Variants in NDRG3 observed in about 807,000 individuals in gnomAD.
The protein encoded by NDRG3 is protein NDRG3.
In NDRG3, 23 loss-of-function variants were observed where a neutral mutation model predicts 57.2. That is an observed-to-expected ratio of 0.40 (90% CI 0.29 to 0.57). The LOEUF (loss-of-function observed/expected upper bound fraction) is 0.57. Among genes scored for constraint, NDRG3 ranks in the 20% least tolerant of loss-of-function variants. The probability of loss-of-function intolerance (pLI) is 0.42; values close to 1 mark genes in which losing one functional copy is unlikely to be tolerated. For synonymous variants in NDRG3, 132 were observed against 162.6 expected (o/e 0.81, Z 1.43); for missense variants, 384 against 457.3 (o/e 0.84, Z 1.46).
At chr20:36,685,215 GCA>G (rs1981676409) in intron 5 of NDRG3, among the ~76,000 whole-genome samples, 1 of 151,924 alleles carries the variant, frequency 6.6e-6, no homozygotes, top group Admixed American at 6.6e-5. Flanking sequence ...CTAGGTATGG[GCA>G]CACAGTTACA....
At chr20:36,717,457 G>A (rs893930393) in intron 2 of NDRG3, among the ~76,000 whole-genome samples, 6 of 152,190 alleles carry the variant, frequency 3.9e-5, no homozygotes, top group African/African-American at 9.7e-5. Flanking sequence ...TCCTTAAAGA[G>A]ACAGGGTAAG....
intron 13 of NDRG3, among the ~76,000 whole-genome samples, chr20:36,657,825 A>G (rs1978812779): frequency 6.6e-6 from 1 of 152,272 alleles, no homozygotes; most frequent in African/African-American, 2.4e-5. Flanking sequence ...TAACAAATAT[A>G]CAAAAAAACC....
chr20:36,669,528 C>T (rs1979956034), intron 9 of NDRG3, among the ~76,000 whole-genome samples: 2 of 151,278 alleles, frequency 1.3e-5, no homozygotes, highest in Admixed American at 6.6e-5. Flanking sequence ...CCGTGCCCAG[C>T]CTAATTTTGT....
intron 2 of NDRG3, among the ~76,000 whole-genome samples, chr20:36,719,615 T>C (rs1280237391): frequency 6.6e-6 from 1 of 151,892 alleles, no homozygotes; most frequent in Non-Finnish European, 1.5e-5. Context: ...GGCCTTGCCT[T>C]GGGCAGATAA....
chr20:36,674,232 C>CGA (rs1469228084), intron 8 of NDRG3, among the ~76,000 whole-genome samples: 1 of 151,880 alleles, frequency 6.6e-6, no homozygotes, highest in African/African-American at 2.4e-5. Flanking sequence ...TGGAGTCTCA[C>CGA]TCTGTCACCC....
intron 6 of NDRG3, among the ~76,000 whole-genome samples, chr20:36,682,949 A>G (rs1232577831): frequency 6.6e-6 from 1 of 151,754 alleles, no homozygotes; most frequent in East Asian, 1.9e-4. Flanking sequence ...GCCTGTTAAA[A>G]AAAAAAACAA....
intron 2 of NDRG3, among the ~76,000 whole-genome samples, chr20:36,713,217 A>T (rs963173771): frequency 6.6e-6 from 1 of 152,188 alleles, no homozygotes; most frequent in African/African-American, 2.4e-5. Flanking sequence ...TTTGAAGAGG[A>T]AAAAAATCAA....
intron 1 of NDRG3, among the ~76,000 whole-genome samples, chr20:36,743,630 C>T (rs763472615): frequency 1.9e-4 from 29 of 151,912 alleles, no homozygotes; most frequent in Non-Finnish European, 2.9e-4. Context: ...CTGGCTAACA[C>T]GGTGAAACCC....
chr20:36,710,812 C>CA (rs35710822), intron 2 of NDRG3, among the ~76,000 whole-genome samples: 33,487 of 91,406 alleles, frequency 0.37, 5,568 homozygotes, highest in East Asian at 0.57. Context: ...GACTCCGTCT[C>CA]AAAAAAAAAA....
chr20:36,720,934 C>A (rs1041859085), intron 2 of NDRG3, among the ~76,000 whole-genome samples: 27 of 151,904 alleles, frequency 1.8e-4, no homozygotes, highest in African/African-American at 6.5e-4. Context: ...TGCCACCACA[C>A]CTAGCTAATT....
intron 3 of NDRG3, among the ~76,000 whole-genome samples, chr20:36,694,838 T>C (rs1982638068): frequency 6.6e-6 from 1 of 152,098 alleles, no homozygotes; most frequent in South Asian, 2.1e-4. Flanking sequence ...ACTCACTGCA[T>C]TCTCCACCTC....
chr20:36,709,574 A>G (rs1044617719), intron 2 of NDRG3, among the ~76,000 whole-genome samples: 2 of 152,204 alleles, frequency 1.3e-5, no homozygotes, highest in African/African-American at 4.8e-5. Context: ...TTTCCAAGGA[A>G]TGTTGCTATT....
intron 9 of NDRG3, 37 bp downstream of exon 9, chr20:36,671,304 A>T: frequency 6.4e-7 from 1 of 1,556,444 alleles, no homozygotes; most frequent in Non-Finnish European, 8.8e-7. Flanking sequence ...CATGCAAGCC[A>T]ATAAACACAG....
intron 5 of NDRG3, among the ~76,000 whole-genome samples, chr20:36,685,966 C>T (rs1433418632): frequency 1.3e-5 from 2 of 152,150 alleles, no homozygotes; most frequent in African/African-American, 2.4e-5. Flanking sequence ...GCCATGATCA[C>T]GCCACTGTAC....
rs1017508054 is a variant in NDRG3, at chr20:36,661,915, A to G, written c.811-1531T>C. 2.0e-5 allele frequency among the ~76,000 whole-genome samples: 3 copies of G among 152,364 alleles called. No homozygotes were observed. In the South Asian group the frequency reaches 6.2e-4, roughly 32 times the overall value. On this transcript the variant is annotated intron_variant, in intron 12 of 15. Transcript: ENST00000349004. ...TAAAATCAGGGATAATATAAAAGTC[A>G]GGATCACCAAATCGGAGTTTTGATT...
chr20:36,725,658 G>C (rs982675019), intron 1 of NDRG3, among the ~76,000 whole-genome samples: 3 of 148,990 alleles, frequency 2.0e-5, no homozygotes, highest in Non-Finnish European at 4.5e-5. Context: ...ATAATGAACA[G>C]ATAATTTACT....
intron 12 of NDRG3, 79 bp downstream of exon 12, chr20:36,664,967 G>A (rs1568625213): frequency 1.4e-6 from 2 of 1,396,796 alleles, no homozygotes; most frequent in Non-Finnish European, 2.0e-6. Flanking sequence ...GGGAATACAG[G>A]CGTGAGCCAC....
chr20:36,694,819 G>A (rs767593779), intron 3 of NDRG3, among the ~76,000 whole-genome samples: 21 of 151,840 alleles, frequency 1.4e-4, no homozygotes, highest in Non-Finnish European at 2.4e-4. Context: ...GTACAGTAGC[G>A]TGATCTCAAC....
chr20:36,662,823 T>C (rs111956215), intron 12 of NDRG3, among the ~76,000 whole-genome samples: 209 of 152,238 alleles, frequency 1.4e-3, no homozygotes, highest in African/African-American at 4.3e-3. Context: ...ACACTGAAGA[T>C]GTGGAAATCA....
Sources: allele counts gnomAD v4.1 joint callset (sites outside exome capture counted in the v4.1 genomes callset), GRCh38; gene constraint gnomAD v4.1.1; transcripts MANE v1.5; gene names NCBI Gene and HGNC (gene_info 2026-07-23, HGNC 2026-07-21).